ATP6V0D2: variants seen among roughly 807,000 people sequenced by gnomAD.
The protein encoded by ATP6V0D2 is V-type proton ATPase subunit d 2.
Under a neutral mutation model 40.0 loss-of-function variants are expected in ATP6V0D2, and 40 were observed. That is an observed-to-expected ratio of 1.00 (90% CI 0.78 to 1.30). The LOEUF (loss-of-function observed/expected upper bound fraction) is 1.30. ATP6V0D2 is among the 50% of genes most tolerant of loss of function. The probability of loss-of-function intolerance (pLI) is 0.00; values close to 1 mark genes in which losing one functional copy is unlikely to be tolerated. For missense variants in ATP6V0D2, 470 were observed against 423.1 expected, an observed-to-expected ratio of 1.11 and a Z score of -0.97; for synonymous variants, 179 against 156.3, an observed-to-expected ratio of 1.15 and a Z score of -1.08.
chr8:86,115,088 T>C (rs181586343), intron 2 of ATP6V0D2, among the ~76,000 whole-genome samples: 12 of 152,234 alleles, frequency 7.9e-5, no homozygotes, highest in Non-Finnish European at 1.8e-4. Flanking sequence ...TACAGGAAAC[T>C]GGGCGTTGGC....
intron 2 of ATP6V0D2, among the ~76,000 whole-genome samples, chr8:86,133,652 C>G (rs1284547394): frequency 6.6e-6 from 1 of 151,940 alleles, no homozygotes; most frequent in Admixed American, 6.6e-5. Flanking sequence ...AATAATGGCT[C>G]TACTCTAACC....
chr8:86,148,709 A>G (rs1819102784), intron 5 of ATP6V0D2, among the ~76,000 whole-genome samples: 1 of 152,154 alleles, frequency 6.6e-6, no homozygotes, highest in South Asian at 2.1e-4. Context: ...AAGTAGTAGG[A>G]TCACACATCA....
chr8:86,145,321 GGAAAGAA>G (rs1819049191), intron 5 of ATP6V0D2, among the ~76,000 whole-genome samples: 8 of 38,030 alleles, frequency 2.1e-4, no homozygotes, highest in African/African-American at 1.1e-3. Context: ...AAAGAAAGAA[GGAAAGAA>G]GGAAAGAAGG....
At chr8:86,134,363 A>G (rs1171982613) in intron 2 of ATP6V0D2, among the ~76,000 whole-genome samples, 1 of 152,200 alleles carries the variant, frequency 6.6e-6, no homozygotes, top group East Asian at 1.9e-4. Context: ...TAATCTTGAA[A>G]CAATGGGAAA....
intron 1 of ATP6V0D2, 139 bp from the exon 2 acceptor site, chr8:86,113,570 T>C (rs1158203546): frequency 1.5e-6 from 1 of 685,016 alleles, no homozygotes; most frequent in African/African-American, 1.8e-5. Flanking sequence ...GTCTAAATCA[T>C]ATTTAGACCT....
At chr8:86,146,771 A>G (rs2129641297) in intron 5 of ATP6V0D2, among the ~76,000 whole-genome samples, 1 of 152,304 alleles carries the variant, frequency 6.6e-6, no homozygotes, top group Non-Finnish European at 1.5e-5. Flanking sequence ...AGGTTATAAC[A>G]TTTATAATTA....
intron 2 of ATP6V0D2, among the ~76,000 whole-genome samples, chr8:86,115,729 CAAG>C (rs1387981575): frequency 6.6e-6 from 1 of 152,048 alleles, no homozygotes; most frequent in Non-Finnish European, 1.5e-5. Flanking sequence ...GTCCAGTGAA[CAAG>C]AAAATGGAAC....
intron 2 of ATP6V0D2, among the ~76,000 whole-genome samples, chr8:86,114,177 A>G (rs901288545): frequency 3.3e-5 from 5 of 152,170 alleles, no homozygotes; most frequent in Non-Finnish European, 7.3e-5. Context: ...AGGTGTTAGT[A>G]CTGAAGGTAA....
At chr8:86,128,839 A>G (rs1818779565) in intron 2 of ATP6V0D2, among the ~76,000 whole-genome samples, 1 of 152,226 alleles carries the variant, frequency 6.6e-6, no homozygotes, top group African/African-American at 2.4e-5. Flanking sequence ...AAATGACTGT[A>G]TCACTCAGCT....
intron 1 of ATP6V0D2, among the ~76,000 whole-genome samples, chr8:86,109,185 A>T (rs1043881294): frequency 5.3e-5 from 8 of 152,160 alleles, no homozygotes; most frequent in Admixed American, 3.3e-4. Context: ...AATCACTTTC[A>T]TGTAGTAAAG....
chr8:86,130,577 C>T (rs962011019), intron 2 of ATP6V0D2, among the ~76,000 whole-genome samples: 3 of 151,992 alleles, frequency 2.0e-5, no homozygotes, highest in African/African-American at 4.8e-5. Context: ...AAAAAGAAAA[C>T]GACAGGCCTG....
At chr8:86,123,513 A>G (rs1443298836) in intron 2 of ATP6V0D2, among the ~76,000 whole-genome samples, 1 of 152,190 alleles carries the variant, frequency 6.6e-6, no homozygotes, top group African/African-American at 2.4e-5. Context: ...AGAGGAAGCT[A>G]TTTTAAAAGC....
In ATP6V0D2 at chr8:86,141,494, C is replaced by A; in HGVS notation, c.526C>A (p.Leu176Met). The A allele has an allele frequency of 6.2e-7, 1 of 1,609,838 alleles. No individual in the cohort carries two copies. The highest frequency in any genetic ancestry group is 1.1e-5 in the South Asian group (1 of 90,832). The change falls in exon 4 of 8, where the codon CTG (leucine) becomes ATG (methionine). Residue 176 changes from leucine to methionine, a missense_variant. Coordinates refer to ENST00000285393, the MANE Select transcript of ATP6V0D2 (RefSeq NM_152565.1). ...CATGTCTGAAAATGCTCTAGATGAA[C>A]TGAATATTGAATTGCTACGCAATAA... ...DCMSENALDE[L>M]NIELLRNKLY... is the part of the protein sequence containing the mutation.
chr8:86,108,936 G>A (rs912699875), intron 1 of ATP6V0D2, among the ~76,000 whole-genome samples: 6 of 152,016 alleles, frequency 3.9e-5, no homozygotes, highest in Non-Finnish European at 8.8e-5. Flanking sequence ...TTGTTAAAAT[G>A]GTGTAATCTA....
intron 6 of ATP6V0D2, 64 bp downstream of exon 6, chr8:86,150,352 C>T: frequency 6.8e-7 from 1 of 1,473,074 alleles, no homozygotes; most frequent in Non-Finnish European, 9.3e-7. Context: ...GCTTTAGAAG[C>T]TCACACATCA....
intron 1 of ATP6V0D2, among the ~76,000 whole-genome samples, chr8:86,101,464 A>G (rs1201653044): frequency 3.3e-4 from 14 of 42,772 alleles, no homozygotes; most frequent in African/African-American, 1.1e-3. Flanking sequence ...TGTCTCAGGA[A>G]AAAAAAAAAA....
intron 4 of ATP6V0D2, 61 bp from the exon 5 acceptor site, chr8:86,142,816 A>T: frequency 9.4e-7 from 1 of 1,060,210 alleles, no homozygotes; most frequent in Non-Finnish European, 1.4e-6. Flanking sequence ...AAGCTGATCT[A>T]GACATTTTCA....
At position 86,145,310 on chromosome 8, in the gene ATP6V0D2, AAAAGAAAG is replaced by A. The variant is rs1431118958; in HGVS notation, c.639+2359_639+2366del. ...GAAAGAAAGAAAGAAAGAAAGAAAGAAAAGAAAGAAGGAAAGAAGGAAAGAAGGAAAGA... is the reference window on the plus strand; with the variant it reads ...GAAAGAAAGAAAGAAAGAAAGAAAGAAAGGAAAGAAGGAAAGAAGGAAAGA... On this transcript the variant is annotated intron_variant, in intron 5 of 7. Coordinates refer to ENST00000285393, the MANE Select transcript of ATP6V0D2 (RefSeq NM_152565.1). Among the ~76,000 whole-genome samples the A allele has an allele frequency of 1.1e-4, 9 of 82,710 alleles. No individual in the cohort carries two copies. The East Asian group carries it at 1.8e-3, about 17-fold the overall frequency. The allele number at this position is 82,710 out of a possible 152,430, so 54.3% of individuals were successfully genotyped here. A position where few individuals can be genotyped will look rare whatever the true frequency, so the allele number is the denominator to read the frequency against.
chr8:86,140,389 G>C (rs536115095), intron 3 of ATP6V0D2, among the ~76,000 whole-genome samples: 2 of 152,212 alleles, frequency 1.3e-5, no homozygotes, highest in South Asian at 4.1e-4. Context: ...TAGGCTGATC[G>C]AGAGAGGTTG....
Sources: gnomAD v4.1 joint callset for allele counts (sites outside exome capture counted in the v4.1 genomes callset) on GRCh38, gnomAD v4.1.1 for gene constraint, MANE v1.5 for transcripts, NCBI Gene and HGNC (gene_info 2026-07-23, HGNC 2026-07-21) for gene names.